Variants in PARD3B observed in about 807,000 individuals in gnomAD.
PARD3B encodes the protein par-3 family cell polarity regulator beta.
PARD3B carries 103 observed loss-of-function variants against 130.2 expected under a neutral mutation model. The ratio of observed to expected loss-of-function variants is 0.79; its 90% CI spans 0.67 to 0.93. The LOEUF is 0.93. Among genes scored for constraint, PARD3B ranks in the 40% least tolerant of loss-of-function variants. The pLI is 0.00. For missense variants in PARD3B, 1,609 were observed against 1,499.2 expected (o/e 1.07, Z -1.21); for synonymous variants, 583 against 553.2 (o/e 1.05, Z -0.76).
At chr2:205,220,778 G>A (rs2038195352) in intron 15 of PARD3B, among the ~76,000 whole-genome samples, 1 of 152,200 alleles carries the variant, frequency 6.6e-6, no homozygotes, top group East Asian at 1.9e-4. Context: ...AAGGAGGTCA[G>A]TGAACTTTGT....
intron 18 of PARD3B, among the ~76,000 whole-genome samples, chr2:205,323,558 T>A (rs188066708): frequency 3.3e-3 from 502 of 152,280 alleles, no homozygotes; most frequent in African/African-American, 0.012. Context: ...CTAAGGACCA[T>A]TAGATAATGT....
intron 1 of PARD3B, among the ~76,000 whole-genome samples, chr2:204,583,735 G>C (rs1435225404): frequency 6.6e-6 from 1 of 151,528 alleles, no homozygotes; most frequent in Non-Finnish European, 1.5e-5. Flanking sequence ...TACATAAAGA[G>C]ATTCCTGGCC....
intron 18 of PARD3B, among the ~76,000 whole-genome samples, chr2:205,342,068 T>C (rs1016976319): frequency 2.0e-5 from 3 of 152,174 alleles, no homozygotes; most frequent in Non-Finnish European, 4.4e-5. Flanking sequence ...TTTTATCCAC[T>C]GTCTGTTGTA....
At chr2:204,928,599 C>T (rs1687806819) in intron 2 of PARD3B, among the ~76,000 whole-genome samples, 1 of 152,006 alleles carries the variant, frequency 6.6e-6, no homozygotes, top group Non-Finnish European at 1.5e-5. Flanking sequence ...AAACATTGCT[C>T]CTGGATAGGA....
rs1344829272 is a variant in PARD3B, at chr2:205,121,313, G to C, written c.807-278G>C. Among the ~76,000 whole-genome samples the C allele has an allele frequency of 6.6e-6, 1 of 152,178 alleles. No individual in the cohort carries two copies. Among genetic ancestry groups the C allele is most frequent in the Admixed American group, 6.5e-5 (1 of 15,272 alleles). The stretch of plus-strand genomic sequence containing the variant: ...CATCTCTCTGAGCCTCAACTTCCAT[G>C]TCCGTGAAATGAAAGCTATTTATAC... On this transcript the variant is annotated intron_variant, in intron 7 of 22. Transcript: ENST00000406610. This position sits in a 1 kb window ranked among gnomAD's most constrained non-coding sequence, Gnocchi z 5.0.
chr2:205,321,495 C>T lies in PARD3B; in HGVS notation c.2630+19794C>T, dbSNP rs1386469040. ...CTCTCTTTCCCTCTCTCTCTCTCTCCCCCCGCCCATATGAATGTATATGCA... is the reference window on the plus strand; with the variant it reads ...CTCTCTTTCCCTCTCTCTCTCTCTCTCCCCGCCCATATGAATGTATATGCA... On this transcript the variant is annotated intron_variant, in intron 18 of 22. Transcript: ENST00000406610. This position sits in a 1 kb window ranked among gnomAD's most constrained non-coding sequence, Gnocchi z 4.2. Among the ~76,000 whole-genome samples the T allele has an allele frequency of 1.3e-5, 2 of 151,774 alleles. No homozygotes were observed. The highest frequency in any genetic ancestry group is 2.9e-5 in the Non-Finnish European group (2 of 67,942).
At chr2:205,283,126 A>G (rs2041256077) in intron 16 of PARD3B, among the ~76,000 whole-genome samples, 2 of 152,218 alleles carry the variant, frequency 1.3e-5, no homozygotes, top group Admixed American at 1.3e-4. Context: ...TATCTTAAAT[A>G]TAGGCCCAAT....
intron 16 of PARD3B, among the ~76,000 whole-genome samples, chr2:205,295,689 G>A (rs2041763899): frequency 6.6e-6 from 1 of 152,090 alleles, no homozygotes; most frequent in Non-Finnish European, 1.5e-5. Context: ...TGGTCTTCTG[G>A]ATTAAGACAT....
At chr2:205,177,895 G>C (rs540029644) in intron 13 of PARD3B, among the ~76,000 whole-genome samples, 1 of 152,152 alleles carries the variant, frequency 6.6e-6, no homozygotes, top group African/African-American at 2.4e-5. Context: ...TGCACAGTCT[G>C]GATTCAATTC....
chr2:205,199,254 GA>G (rs2036857581), intron 15 of PARD3B, among the ~76,000 whole-genome samples: 1 of 152,074 alleles, frequency 6.6e-6, no homozygotes, highest in Non-Finnish European at 1.5e-5. Context: ...CAACAGGAAA[GA>G]AAAGCTCAAG....
chr2:204,797,832 T>C (rs1014279637), intron 2 of PARD3B, among the ~76,000 whole-genome samples: 2 of 152,206 alleles, frequency 1.3e-5, no homozygotes, highest in Admixed American at 1.3e-4. Flanking sequence ...CTCTCTATAA[T>C]TTGAAACCCC....
At chr2:204,651,095 C>A (rs554910106) in intron 1 of PARD3B, among the ~76,000 whole-genome samples, 1 of 152,076 alleles carries the variant, frequency 6.6e-6, no homozygotes, top group African/African-American at 2.4e-5. Flanking sequence ...ATTATTCTGC[C>A]GCTGACCCCT....
chr2:204,774,628 A>T (rs1168368399), intron 2 of PARD3B, among the ~76,000 whole-genome samples: 1 of 152,100 alleles, frequency 6.6e-6, no homozygotes, highest in Non-Finnish European at 1.5e-5. Flanking sequence ...CTACTAGCCT[A>T]CTTTTTGATT....
chr2:205,416,204 G>A (rs890925731), intron 19 of PARD3B, among the ~76,000 whole-genome samples: 6 of 152,028 alleles, frequency 3.9e-5, no homozygotes, highest in African/African-American at 1.4e-4. Context: ...CTTTAATGCT[G>A]TGACCCTGGG....
At position 205,525,523 on chromosome 2, in the gene PARD3B, A is replaced by G. The variant is rs1282902102; in HGVS notation, c.3180+25492A>G. Among the ~76,000 whole-genome samples the G allele has an allele frequency of 6.6e-6, 1 of 152,232 alleles. No homozygotes were observed. Among genetic ancestry groups the G allele is most frequent in the African/African-American group, 2.4e-5 (1 of 41,474 alleles). Reference sequence around the variant, plus strand: ...GTCAACGTGCATTGTTGTAATTATTAAAGATAAAAAACAAAGTTCCTGCTA... The same window carrying G: ...GTCAACGTGCATTGTTGTAATTATTGAAGATAAAAAACAAAGTTCCTGCTA... On this transcript the variant is annotated intron_variant, in intron 21 of 22. Transcript: ENST00000406610. The surrounding 1 kb of genome is among the most constrained non-coding windows in gnomAD (Gnocchi z 4.2).
intron 10 of PARD3B, among the ~76,000 whole-genome samples, chr2:205,155,906 C>A (rs1008327742): frequency 6.6e-6 from 1 of 151,840 alleles, no homozygotes; most frequent in Non-Finnish European, 1.5e-5. Context: ...TTGTTTTTTT[C>A]TTGGGTAATG....
intron 2 of PARD3B, among the ~76,000 whole-genome samples, chr2:204,964,204 A>G (rs996307575): frequency 6.6e-6 from 1 of 152,212 alleles, no homozygotes; most frequent in Non-Finnish European, 1.5e-5. Context: ...AGCATCCTGT[A>G]GCTGCCTCAT....
intron 1 of PARD3B, among the ~76,000 whole-genome samples, chr2:204,630,621 A>G (rs2034645604): frequency 6.6e-6 from 1 of 152,142 alleles, no homozygotes; most frequent in Non-Finnish European, 1.5e-5. Context: ...TAGTGGTAAA[A>G]TGGATTCTAT....
chr2:205,302,337 C>G (rs772650544), intron 18 of PARD3B, among the ~76,000 whole-genome samples: 3 of 151,356 alleles, frequency 2.0e-5, no homozygotes, highest in Non-Finnish European at 2.9e-5. Context: ...TCCCAAAGTG[C>G]TGGGGTTTCA....
Sources: gnomAD v4.1 joint callset for allele counts (sites outside exome capture counted in the v4.1 genomes callset) on GRCh38, gnomAD v4.1.1 for gene constraint, Gnocchi (gnomAD v3.1) non-coding constraint, MANE v1.5 for transcripts, NCBI Gene and HGNC (gene_info 2026-07-23, HGNC 2026-07-21) for gene names.